The following ZSCAN30 variants were observed in gnomAD, a reference collection of about 807,000 sequenced individuals.
The protein encoded by ZSCAN30 is zinc finger and SCAN domain-containing protein 30.
ZSCAN30 carries 37 observed loss-of-function variants against 44.3 expected under a neutral mutation model. The observed-to-expected ratio is 0.84, with a 90% CI of 0.64 to 1.10. ZSCAN30 has a LOEUF of 1.10. Among genes scored for constraint, ZSCAN30 ranks in the 50% least tolerant of loss-of-function variants. The probability of loss-of-function intolerance (pLI) is 0.00; values close to 1 mark genes in which losing one functional copy is unlikely to be tolerated. For synonymous variants in ZSCAN30, 181 were observed against 204.6 expected (o/e 0.88, Z 0.98); for missense variants, 549 against 582.6 (o/e 0.94, Z 0.59).
At chr18:35,281,190 C>A (rs969835701) in intron 1 of ZSCAN30, 1 of 152,156 alleles carries the variant, frequency 6.6e-6, no homozygotes, top group Non-Finnish European at 1.5e-5. Context: ...TTGGTGGTGG[C>A]CTATCAGTTT....
intron 1 of ZSCAN30, among the ~76,000 whole-genome samples, chr18:35,287,765 T>C (rs1003163635): frequency 6.6e-6 from 1 of 152,030 alleles, no homozygotes; most frequent in African/African-American, 2.4e-5. Context: ...AAAGAGCCAA[T>C]TGATAAACTG....
At chr18:35,280,615 C>T (rs1449452428) in intron 1 of ZSCAN30, among the ~76,000 whole-genome samples, 2 of 152,216 alleles carry the variant, frequency 1.3e-5, no homozygotes, top group East Asian at 3.8e-4. Flanking sequence ...ACTGTGATTA[C>T]ACTGGCCATT....
At chr18:35,273,219 T>G (rs1246670874) in intron 1 of ZSCAN30, among the ~76,000 whole-genome samples, 1 of 152,212 alleles carries the variant, frequency 6.6e-6, no homozygotes, top group East Asian at 1.9e-4. Flanking sequence ...CCTGAGCCCC[T>G]GGCAACCACC....
In ZSCAN30 at chr18:35,253,971, T is replaced by G. The variant is rs2043692891; in HGVS notation, c.964A>C (p.Ile322Leu). 1 of 1,614,238 alleles carries G rather than the reference T, an allele frequency of 6.2e-7. No individual in the cohort carries two copies. Among genetic ancestry groups the G allele is most frequent in the Non-Finnish European group, 8.5e-7 (1 of 1,180,030 alleles). Residue 322 changes from isoleucine (I) to leucine (L), a missense_variant, in exon 4 of 4, where the codon ATT (isoleucine) becomes CTT (leucine). Ile to Leu is a conservative substitution (Grantham distance 5). Transcript: ENST00000333206. ...QSSKLIRHQR[I>L]HTGERPYACK... Reference sequence around the variant, plus strand: ...GCATAAGGTCTCTCTCCAGTATGAATTCTCTGATGTCTAATCAGCTTTGAG... The same window carrying G: ...GCATAAGGTCTCTCTCCAGTATGAAGTCTCTGATGTCTAATCAGCTTTGAG...
intron 1 of ZSCAN30, chr18:35,269,726 G>T (rs1598636155): frequency 6.6e-6 from 1 of 152,064 alleles, no homozygotes; most frequent in East Asian, 1.9e-4. Flanking sequence ...CATGGGATTA[G>T]TGGTTCCATA....
At chr18:35,269,460 C>CAA (rs58030783) in intron 1 of ZSCAN30, 14 of 148,562 alleles carry the variant, frequency 9.4e-5, no homozygotes, top group Admixed American at 9.3e-4. Context: ...ACAAGCTGCA[C>CAA]GTTTTACCAA....
At chr18:35,260,065 T>C (rs2143687918) in intron 3 of ZSCAN30, 1 of 152,370 alleles carries the variant, frequency 6.6e-6, no homozygotes, top group East Asian at 1.9e-4. Context: ...TCTGTTTCTA[T>C]GTGTTCTCAT....
intron 3 of ZSCAN30, chr18:35,260,480 A>G (rs2044000489): frequency 6.6e-6 from 1 of 152,132 alleles, no homozygotes; most frequent in Admixed American, 6.6e-5. Context: ...TCCCACCAAC[A>G]CTGTAAAAGT....
chr18:35,271,723 C>A (rs968344910), intron 1 of ZSCAN30, among the ~76,000 whole-genome samples: 32 of 152,234 alleles, frequency 2.1e-4, no homozygotes, highest in African/African-American at 6.8e-4. Flanking sequence ...GCCGGGGAGG[C>A]TCCAGCTGCG....
At chr18:35,262,990 G>T (rs897877430) in intron 3 of ZSCAN30, 18 of 175,680 alleles carry the variant, frequency 1.0e-4, no homozygotes, top group Admixed American at 5.8e-5. Flanking sequence ...TGATTATGTG[G>T]TTTCTATTAC....
At chr18:35,257,986 C>T (rs554734895) in intron 3 of ZSCAN30, 45 of 780,954 alleles carry the variant, frequency 5.8e-5, no homozygotes, top group South Asian at 1.9e-4. Context: ...CCATCTCAGG[C>T]GCTACTTCTG....
intron 1 of ZSCAN30, among the ~76,000 whole-genome samples, chr18:35,272,416 C>G (rs559793233): frequency 2.3e-4 from 35 of 149,382 alleles, no homozygotes; most frequent in Non-Finnish European, 4.6e-4. Context: ...GGCACAATCT[C>G]GGCTCACTGC....
chr18:35,259,608 C>T (rs1340014643), intron 3 of ZSCAN30: 3 of 154,124 alleles, frequency 1.9e-5, no homozygotes, highest in Non-Finnish European at 4.4e-5. Context: ...CCCATTTTAA[C>T]CTTTATAAAG....
intron 3 of ZSCAN30, chr18:35,257,830 A>C (rs2043891057): frequency 1.0e-5 from 8 of 776,288 alleles, no homozygotes; most frequent in Non-Finnish European, 1.9e-5. Context: ...CGGCCCATGA[A>C]ATGCTCCAAG....
At chr18:35,276,585 C>T (rs969785620) in intron 1 of ZSCAN30, among the ~76,000 whole-genome samples, 1 of 152,194 alleles carries the variant, frequency 6.6e-6, no homozygotes, top group Non-Finnish European at 1.5e-5. Flanking sequence ...AGTGCAAGCC[C>T]CAAGCCTTGG....
chr18:35,266,172 C>G (rs2044145022), intron 1 of ZSCAN30, among the ~76,000 whole-genome samples: 1 of 152,176 alleles, frequency 6.6e-6, no homozygotes, highest in South Asian at 2.1e-4. Context: ...ACAAGAGCTT[C>G]TGATGAGCAG....
At position 35,263,527 on chromosome 18, in the gene ZSCAN30, G is replaced by A; in HGVS notation, c.539C>T (p.Ala180Val). ...GGGCTTCTCACCTCTCTCCTGGAAAGCCTGGGACTCCTGAGTCTCAGTCTT... is the reference window on the plus strand; with the variant it reads ...GGGCTTCTCACCTCTCTCCTGGAAAACCTGGGACTCCTGAGTCTCAGTCTT... ...QCKTETQESQ[A>V]FQERDGRMVA... The change falls in exon 3 of 4, where the codon GCT (alanine) becomes GTT (valine). Residue 180 changes from alanine to valine, a missense_variant. Ala to Val is a moderately conservative substitution (Grantham distance 64, BLOSUM62 0). Coordinates refer to ENST00000333206, the MANE Select transcript of ZSCAN30 (RefSeq NM_001112734.4). 2 of 1,614,202 alleles carry A rather than the reference G, an allele frequency of 1.2e-6. No individual in the cohort carries two copies. The highest frequency in any genetic ancestry group is 1.6e-4 in the Middle Eastern group (1 of 6,062).
In ZSCAN30 at chr18:35,254,359, T is replaced by C. The variant is rs141160631; in HGVS notation, c.576A>G (p.Lys192=). 5.0e-5 allele frequency: 81 copies of C among 1,613,772 alleles called. No individual in the cohort carries two copies. The highest frequency in any genetic ancestry group is 6.7e-5 in the Non-Finnish European group (79 of 1,179,784). The stretch of plus-strand genomic sequence containing the variant: ...CAATTTCTTGCTTTGCCATCAACAC[T>C]TTGCCAGCCACCATCCTGCCATCTA... ...QERDGRMVAG[K]VLMAKQEIVE... The change falls in exon 4 of 4, where the codon AAA becomes AAG. Residue 192 remains lysine, a synonymous_variant. Transcript: ENST00000333206.
At chr18:35,255,513 T>G (rs2143658752) in intron 3 of ZSCAN30, among the ~76,000 whole-genome samples, 1 of 152,234 alleles carries the variant, frequency 6.6e-6, no homozygotes, top group Middle Eastern at 3.4e-3. Flanking sequence ...ACATCAAAAC[T>G]TGTAATCTTT....
Sources: allele counts gnomAD v4.1 joint callset (sites outside exome capture counted in the v4.1 genomes callset), GRCh38; gene constraint gnomAD v4.1.1; transcripts MANE v1.5; gene names NCBI Gene and HGNC (gene_info 2026-07-23, HGNC 2026-07-21).